The following DGKB variants were observed in gnomAD, a reference collection of about 807,000 sequenced individuals.
DGKB encodes the protein 90 kDa diacylglycerol kinase.
DGKB carries 67 observed loss-of-function variants against 114.3 expected under a neutral mutation model. That is an observed-to-expected ratio of 0.59 (90% CI 0.48 to 0.72). The LOEUF (loss-of-function observed/expected upper bound fraction) is 0.72, where lower values mean the gene tolerates loss of function less well. Among genes scored for constraint, DGKB ranks in the 30% least tolerant of loss-of-function variants. The pLI, the probability that DGKB is intolerant of heterozygous loss-of-function variation, is 0.00. For missense variants in DGKB, 907 were observed against 975.2 expected, an observed-to-expected ratio of 0.93 and a Z score of 0.93; for synonymous variants, 398 against 323.1, an observed-to-expected ratio of 1.23 and a Z score of -2.49.
rs540612427 is a variant in DGKB, at chr7:14,556,092, C to A, written c.1770+18120G>T. On this transcript the variant is annotated intron_variant, in intron 20 of 25. Coordinates refer to ENST00000402815, the MANE Select transcript of DGKB (RefSeq NM_001350709.2). The stretch of plus-strand genomic sequence containing the variant: ...AGATTCAAGAATGATCTCTTGGGGT[C>A]TGGATTGGGACTCCTTTCCGGTAAC... Among the ~76,000 whole-genome samples the A allele has an allele frequency of 2.6e-5, 4 of 152,218 alleles. No individual in the cohort carries two copies. In the East Asian group the frequency reaches 7.7e-4, roughly 29 times the overall value.
Position 14,841,275 on chromosome 7 carries a change from G to C in DGKB, c.-12C>G. The C allele has an allele frequency of 1.2e-6, 2 of 1,612,998 alleles. No individual in the cohort carries two copies. Among genetic ancestry groups the C allele is most frequent in the Non-Finnish European group, 1.7e-6 (2 of 1,179,412 alleles). ...TCCTGGTTTGTCATGGTGGTGGTGA[G>C]AAGCTCTGTCACATACCAGGTAAAA... On this transcript the variant is annotated 5_prime_UTR_variant, in exon 2 of 26. Transcript: ENST00000402815.
chr7:14,836,196 C>T (rs1446988907), intron 2 of DGKB, among the ~76,000 whole-genome samples: 2 of 152,252 alleles, frequency 1.3e-5, no homozygotes, highest in East Asian at 3.9e-4. Context: ...CACCACATGC[C>T]TCACTGCAAT....
At chr7:14,286,814 A>C (rs1205105952) in intron 23 of DGKB, among the ~76,000 whole-genome samples, 1 of 152,122 alleles carries the variant, frequency 6.6e-6, no homozygotes, top group Admixed American at 6.6e-5. Context: ...GGTTATTATT[A>C]GAATTATAAA....
chr7:14,795,200 A>G (rs537349198), intron 2 of DGKB, among the ~76,000 whole-genome samples: 2 of 152,296 alleles, frequency 1.3e-5, no homozygotes, highest in African/African-American at 4.8e-5. Context: ...ATAACTAAGG[A>G]TGTGGGATAA....
chr7:14,938,871 C>G (rs1785409986), intron 1 of DGKB, among the ~76,000 whole-genome samples: 1 of 152,100 alleles, frequency 6.6e-6, no homozygotes, highest in Non-Finnish European at 1.5e-5. Context: ...TTAAACAAAT[C>G]CTGGTCCTAC....
chr7:14,387,702 C>A (rs909505005), intron 21 of DGKB, among the ~76,000 whole-genome samples: 2 of 151,926 alleles, frequency 1.3e-5, no homozygotes, highest in Admixed American at 1.3e-4. Flanking sequence ...CAGTTGTGAG[C>A]CACCATGCCT....
chr7:14,217,075 C>A (rs1214847513), intron 23 of DGKB, among the ~76,000 whole-genome samples: 1 of 152,142 alleles, frequency 6.6e-6, no homozygotes, highest in East Asian at 1.9e-4. Context: ...TTGAGAAAGC[C>A]ACTTCATTCC....
At chr7:14,442,143 G>A (rs1022864124) in intron 21 of DGKB, among the ~76,000 whole-genome samples, 2 of 151,844 alleles carry the variant, frequency 1.3e-5, no homozygotes, top group African/African-American at 2.4e-5. Flanking sequence ...TGCTAAAATT[G>A]CTTTTGAAAA....
At chr7:14,563,754 C>A (rs978670099) in intron 20 of DGKB, among the ~76,000 whole-genome samples, 1 of 151,522 alleles carries the variant, frequency 6.6e-6, no homozygotes, top group African/African-American at 2.4e-5. Flanking sequence ...GTAATCTGCA[C>A]ATTAGACAAA....
rs1293541622 is a variant in DGKB at position 14,387,341 on chromosome 7, A to G, written c.1836-41950T>C. Among the ~76,000 whole-genome samples, 3 of 141,356 alleles carry G rather than the reference A, an allele frequency of 2.1e-5. No homozygotes were observed. The East Asian group carries it at 6.9e-4, about 32-fold the overall frequency. 92.7% of individuals were successfully genotyped at this position (141,356 alleles called of 152,430 possible). On this transcript the variant is annotated intron_variant, in intron 21 of 25. Coordinates refer to ENST00000402815, the MANE Select transcript of DGKB (RefSeq NM_001350709.2). ...GGCAGGAGAATTGCTTGAATCAGGG[A>G]GTCGGAGGCTGCAGTCAGCTGAGAC...
chr7:14,159,823 C>T (rs367959765), intron 25 of DGKB, among the ~76,000 whole-genome samples: 8 of 152,066 alleles, frequency 5.3e-5, no homozygotes, highest in African/African-American at 1.4e-4. Context: ...TAGGCGTCCA[C>T]CACCACGCCC....
intron 23 of DGKB, among the ~76,000 whole-genome samples, chr7:14,187,612 A>C (rs897268727): frequency 3.3e-5 from 5 of 152,238 alleles, no homozygotes; most frequent in African/African-American, 4.8e-5. Context: ...TGAGGATTAC[A>C]GCTGAAGAAA....
chr7:14,974,505 A>C (rs1436018499), intron 1 of DGKB, among the ~76,000 whole-genome samples: 4 of 152,120 alleles, frequency 2.6e-5, no homozygotes, highest in Non-Finnish European at 5.9e-5. Flanking sequence ...CTTCAAATAT[A>C]TCTCAAAACT....
intron 20 of DGKB, among the ~76,000 whole-genome samples, chr7:14,570,098 A>G (rs1251999191): frequency 6.6e-6 from 1 of 150,886 alleles, no homozygotes; most frequent in Non-Finnish European, 1.5e-5. Context: ...CAATTGGAAT[A>G]TATATAAATA....
intron 23 of DGKB, among the ~76,000 whole-genome samples, chr7:14,313,343 G>T (rs1805748314): frequency 1.3e-5 from 2 of 152,172 alleles, no homozygotes; most frequent in Admixed American, 1.3e-4. Flanking sequence ...GGTGATTTCT[G>T]CAATTCCATC....
At chr7:14,215,607 G>A (rs953749016) in intron 23 of DGKB, among the ~76,000 whole-genome samples, 29 of 152,116 alleles carry the variant, frequency 1.9e-4, no homozygotes, top group African/African-American at 7.0e-4. Flanking sequence ...CTCATAAGGT[G>A]GCTACTGGTA....
chr7:14,903,973 T>C (rs749862666), upstream of DGKB, among the ~76,000 whole-genome samples: 4 of 152,302 alleles, frequency 2.6e-5, no homozygotes, highest in African/African-American at 4.8e-5. Flanking sequence ...CTACAGACTC[T>C]GGTAAAACCA....
chr7:14,563,352 T>C (rs1045514838), intron 20 of DGKB, among the ~76,000 whole-genome samples: 1 of 152,206 alleles, frequency 6.6e-6, no homozygotes, highest in Non-Finnish European at 1.5e-5. Flanking sequence ...TTAACTCTTG[T>C]AATGAAATAT....
chr7:14,639,283 T>C (rs1211025016), intron 13 of DGKB, among the ~76,000 whole-genome samples: 2 of 152,154 alleles, frequency 1.3e-5, no homozygotes, highest in East Asian at 1.9e-4. Context: ...ATTGACAAAG[T>C]GTGGCTTAAA....
Sources: allele counts gnomAD v4.1 joint callset (sites outside exome capture counted in the v4.1 genomes callset), GRCh38; gene constraint gnomAD v4.1.1; transcripts MANE v1.5; gene names NCBI Gene and HGNC (gene_info 2026-07-23, HGNC 2026-07-21).